ITPR1: variants seen among roughly 807,000 people sequenced by gnomAD.
ITPR1 encodes the protein inositol 1,4,5-trisphosphate-gated calcium channel ITPR1.
A neutral mutation model predicts 318.4 loss-of-function variants in ITPR1; 96 were observed. The observed-to-expected ratio is 0.30, with a 90% CI of 0.26 to 0.36. ITPR1 has a LOEUF of 0.36. ITPR1 is among the 10% of genes least tolerant of loss of function. The pLI, the probability that ITPR1 is intolerant of heterozygous loss-of-function variation, is 1.00. For missense variants in ITPR1, 2,440 were observed against 3,460.2 expected (o/e 0.71, Z 7.40); for synonymous variants, 1,312 against 1,289.9 (o/e 1.02, Z -0.37).
intron 4 of ITPR1, among the ~76,000 whole-genome samples, chr3:4,528,769 G>A (rs1265145394): frequency 1.3e-5 from 2 of 152,164 alleles, no homozygotes; most frequent in African/African-American, 4.8e-5. Flanking sequence ...TCAAGAGTGT[G>A]TGCAGCTGCC....
intron 32 of ITPR1, among the ~76,000 whole-genome samples, chr3:4,692,791 G>T (rs1230825305): frequency 1.3e-5 from 2 of 152,168 alleles, no homozygotes; most frequent in African/African-American, 4.8e-5. Context: ...GATGGTAGAT[G>T]AAAGAATTGT....
intron 31 of ITPR1, among the ~76,000 whole-genome samples, chr3:4,689,255 G>C (rs1305804049): frequency 6.6e-6 from 1 of 152,160 alleles, no homozygotes; most frequent in Non-Finnish European, 1.5e-5. Context: ...TGGACAGTTA[G>C]GCAATGTCTG....
chr3:4,777,440 A>T, intron 48 of ITPR1, 66 bp downstream of exon 48: 2 of 909,770 alleles, frequency 2.2e-6, no homozygotes. Context: ...TTGCCTTGGC[A>T]CATGCACATG....
intron 4 of ITPR1, among the ~76,000 whole-genome samples, chr3:4,625,891 A>G (rs902520033): frequency 1.3e-5 from 2 of 152,138 alleles, no homozygotes; most frequent in Non-Finnish European, 2.9e-5. Context: ...GATATTTACT[A>G]TTTGAAAACT....
intron 4 of ITPR1, among the ~76,000 whole-genome samples, chr3:4,616,836 G>A (rs1264364163): frequency 6.6e-6 from 1 of 152,118 alleles, no homozygotes; most frequent in Non-Finnish European, 1.5e-5. Flanking sequence ...TTCTTCCTGG[G>A]CACAGCTAAA....
At chr3:4,825,965 A>G (rs889651208) in intron 60 of ITPR1, 6 of 362,578 alleles carry the variant, frequency 1.7e-5, no homozygotes, top group Non-Finnish European at 3.3e-5. Context: ...TCACACAGCC[A>G]TCATGGGGCG....
intron 50 of ITPR1, 39 bp downstream of exon 50, chr3:4,782,780 C>T (rs1559886959): frequency 7.0e-7 from 1 of 1,418,684 alleles, no homozygotes; most frequent in East Asian, 2.6e-5. Context: ...TGCTGCCTCC[C>T]TACAGGTCCA....
At chr3:4,530,292 T>G (rs1575428015) in intron 4 of ITPR1, among the ~76,000 whole-genome samples, 2 of 152,348 alleles carry the variant, frequency 1.3e-5, no homozygotes, top group African/African-American at 4.8e-5. Flanking sequence ...GCCCAGCACC[T>G]GGCATAATGT....
intron 4 of ITPR1, among the ~76,000 whole-genome samples, chr3:4,535,442 A>ATTTTTTTTTTTTTTTTTTTTTTTTTT (rs34152018): frequency 9.9e-6 from 1 of 100,982 alleles, no homozygotes. Context: ...TTTTTTTTTA[A>ATTTTTTTTTTTTTTTTTTTTTTTTTT]TTTTTTTTTT....
intron 37 of ITPR1, among the ~76,000 whole-genome samples, chr3:4,709,214 T>G (rs2094820543): frequency 6.6e-6 from 1 of 152,152 alleles, no homozygotes; most frequent in African/African-American, 2.4e-5. Flanking sequence ...GCTGTGAAAG[T>G]CAGTATGAAC....
At chr3:4,611,730 C>A in intron 4 of ITPR1, among the ~76,000 whole-genome samples, 1 of 151,932 alleles carries the variant, frequency 6.6e-6, no homozygotes, top group Non-Finnish European at 1.5e-5. Context: ...TGGGTGCCAG[C>A]GAGACCTTCT....
At chr3:4,767,397 T>A (rs979701134) in intron 45 of ITPR1, among the ~76,000 whole-genome samples, 1 of 152,204 alleles carries the variant, frequency 6.6e-6, no homozygotes, top group East Asian at 1.9e-4. Context: ...CTGGGCGGGG[T>A]TGGGGGCAAA....
rs190359948 is a variant in ITPR1, at chr3:4,566,382, A to G, written c.163+45288A>G. 3.0e-3 allele frequency among the ~76,000 whole-genome samples: 453 copies of G among 152,274 alleles called. 1 individual carries two copies. The highest frequency in any genetic ancestry group is 4.9e-3 in the Admixed American group (75 of 15,284). On this transcript the variant is annotated intron_variant, in intron 4 of 61. Transcript: ENST00000649015. ...CACAGGAGTTGTTTTCCCAGAAGGT[A>G]TTGACCTTTATTCCAGTCTCTACTA...
At chr3:4,832,044 C>T (rs1329791062) in intron 60 of ITPR1, among the ~76,000 whole-genome samples, 2 of 152,186 alleles carry the variant, frequency 1.3e-5, no homozygotes, top group African/African-American at 4.8e-5. Context: ...TTTTAACTAC[C>T]AGGTACTTCT....
chr3:4,788,249 T>G, intron 52 of ITPR1, 110 bp downstream of exon 52: 1 of 873,416 alleles, frequency 1.1e-6, no homozygotes, highest in South Asian at 1.8e-5. Flanking sequence ...TAGTATCATT[T>G]ATGATACTTT....
chr3:4,641,699 C>G (rs79218975), intron 6 of ITPR1, among the ~76,000 whole-genome samples: 465 of 152,256 alleles, frequency 3.1e-3, no homozygotes, highest in African/African-American at 0.011. Flanking sequence ...TAAACTGTTG[C>G]CTGTGCTCAG....
chr3:4,733,156 G>A lies in ITPR1; in HGVS notation c.5289G>A (p.Glu1763=). 1 of 1,614,026 alleles carries A rather than the reference G, an allele frequency of 6.2e-7. No homozygotes were observed. The highest frequency in any genetic ancestry group is 1.3e-5 in the African/African-American group (1 of 75,062). ...ACGTCAGACCTTCGGGACGAAGAGA[G>A]AGCCTTACCAGCTTTGGCAATGGCC... ...YGNVRPSGRR[E]SLTSFGNGPL... The change falls in exon 43 of 62, where the codon GAG becomes GAA. Residue 1763 remains glutamate, a synonymous_variant. Coordinates refer to ENST00000649015, the MANE Select transcript of ITPR1 (RefSeq NM_001378452.1).
chr3:4,536,281 T>C (rs2083863126), intron 4 of ITPR1, among the ~76,000 whole-genome samples: 1 of 152,248 alleles, frequency 6.6e-6, no homozygotes, highest in South Asian at 2.1e-4. Context: ...TTCAGTTTTA[T>C]GATTTCAGCT....
At chr3:4,752,334 C>A (rs1398248384) in intron 44 of ITPR1, among the ~76,000 whole-genome samples, 1 of 152,182 alleles carries the variant, frequency 6.6e-6, no homozygotes, top group Non-Finnish European at 1.5e-5. Context: ...GATCATCCCT[C>A]CCGGGCTGTA....
Sources: allele counts gnomAD v4.1 joint callset (sites outside exome capture counted in the v4.1 genomes callset), GRCh38; gene constraint gnomAD v4.1.1; transcripts MANE v1.5; gene names NCBI Gene and HGNC (gene_info 2026-07-23, HGNC 2026-07-21).